The following NKAIN2 variants were observed in gnomAD, a reference collection of about 807,000 sequenced individuals.
NKAIN2 encodes sodium/potassium-transporting ATPase subunit beta-1-interacting protein 2.
NKAIN2 carries 14 observed loss-of-function variants against 32.6 expected under a neutral mutation model. The observed-to-expected ratio is 0.43, with a 90% CI of 0.28 to 0.67. The LOEUF (loss-of-function observed/expected upper bound fraction) is 0.67, where lower values mean the gene tolerates loss of function less well. Ranked by LOEUF, NKAIN2 falls within the 30% of genes least tolerant of loss-of-function variation. The pLI, the probability that NKAIN2 is intolerant of heterozygous loss-of-function variation, is 0.17. For synonymous variants in NKAIN2, 80 were observed against 87.2 expected, an observed-to-expected ratio of 0.92 and a Z score of 0.46; for missense variants, 198 against 258.3, an observed-to-expected ratio of 0.77 and a Z score of 1.60.
chr6:124,557,880 C>T (rs975135076), intron 3 of NKAIN2, among the ~76,000 whole-genome samples: 3 of 152,178 alleles, frequency 2.0e-5, no homozygotes, highest in African/African-American at 7.2e-5. Context: ...TCTAAAGTGA[C>T]TCATTCAGAT....
chr6:124,390,095 C>T (rs1016949758), intron 3 of NKAIN2, among the ~76,000 whole-genome samples: 11 of 152,132 alleles, frequency 7.2e-5, no homozygotes, highest in Admixed American at 2.0e-4. Flanking sequence ...AGTGTTCTTT[C>T]GTCTTTGCTG....
intron 1 of NKAIN2, among the ~76,000 whole-genome samples, chr6:123,861,214 C>T (rs992471299): frequency 2.6e-5 from 4 of 152,134 alleles, no homozygotes; most frequent in Non-Finnish European, 5.9e-5. Context: ...TCTAATAAAT[C>T]CTGACCAAAA....
Position 124,406,628 on chromosome 6 carries a change from T to C in NKAIN2, c.273+51281T>C, listed in dbSNP as rs1311314999. On this transcript the variant is annotated intron_variant, in intron 3 of 6. Transcript: ENST00000368417. ...TATAATGGCTGGATTATATGAATGG[T>C]TGTATGTTTAATTTTTAGCAAAACT... Among the ~76,000 whole-genome samples the C allele has an allele frequency of 2.0e-5, 3 of 152,100 alleles. No individual in the cohort carries two copies. The East Asian group carries it at 5.8e-4, about 29-fold the overall frequency.
chr6:124,414,718 G>A (rs1404478873), intron 3 of NKAIN2, among the ~76,000 whole-genome samples: 1 of 152,044 alleles, frequency 6.6e-6, no homozygotes, highest in African/African-American at 2.4e-5. Flanking sequence ...CTTCTTAACT[G>A]AGTTTTGATA....
At chr6:124,695,031 T>C (rs1432033559) in intron 4 of NKAIN2, among the ~76,000 whole-genome samples, 2 of 152,150 alleles carry the variant, frequency 1.3e-5, no homozygotes, top group African/African-American at 2.4e-5. Context: ...TTAAACCATC[T>C]CCTCTTCCTC....
chr6:124,802,389 A>G (rs962706901), intron 5 of NKAIN2, among the ~76,000 whole-genome samples: 9 of 152,314 alleles, frequency 5.9e-5, no homozygotes, highest in South Asian at 2.1e-4. Flanking sequence ...TGTCATATAT[A>G]ATTGAAAGCA....
chr6:124,294,596 T>G (rs1345079486), intron 2 of NKAIN2, among the ~76,000 whole-genome samples: 1 of 152,156 alleles, frequency 6.6e-6, no homozygotes, highest in Non-Finnish European at 1.5e-5. Context: ...TAGTATTTAT[T>G]TCCAAATAAA....
chr6:124,339,608 T>C (rs1302136754), intron 2 of NKAIN2, among the ~76,000 whole-genome samples: 1 of 152,200 alleles, frequency 6.6e-6, no homozygotes, highest in Non-Finnish European at 1.5e-5. Flanking sequence ...AATAGGCATC[T>C]ACCTCCTTCT....
intron 2 of NKAIN2, among the ~76,000 whole-genome samples, chr6:124,333,932 A>C (rs1268054733): frequency 6.6e-6 from 1 of 152,202 alleles, no homozygotes; most frequent in East Asian, 1.9e-4. Context: ...CTTAAAACTG[A>C]ATTATGCTTT....
At chr6:124,160,154 T>G (rs1208942601) in intron 1 of NKAIN2, among the ~76,000 whole-genome samples, 1 of 152,100 alleles carries the variant, frequency 6.6e-6, no homozygotes, top group East Asian at 1.9e-4. Context: ...AGAAATCTGT[T>G]CAATTGGGTG....
chr6:124,535,833 G>C (rs1779690762), intron 3 of NKAIN2, among the ~76,000 whole-genome samples: 1 of 152,250 alleles, frequency 6.6e-6, no homozygotes, highest in Admixed American at 6.5e-5. Flanking sequence ...TAAAGAGGGA[G>C]CAGGAGCAGT....
At chr6:124,605,523 G>A (rs1362967531) in intron 3 of NKAIN2, among the ~76,000 whole-genome samples, 4 of 151,980 alleles carry the variant, frequency 2.6e-5, no homozygotes, top group African/African-American at 4.8e-5. Flanking sequence ...AAAAGTCAGA[G>A]GGGAAAAGAC....
chr6:123,833,955 C>T (rs988012942), intron 1 of NKAIN2, among the ~76,000 whole-genome samples: 22 of 150,736 alleles, frequency 1.5e-4, no homozygotes, highest in Admixed American at 9.3e-4. Context: ...CTCAAACACC[C>T]GACCTCTTGA....
At chr6:124,042,893 A>G (rs1335644298) in intron 1 of NKAIN2, among the ~76,000 whole-genome samples, 1 of 152,104 alleles carries the variant, frequency 6.6e-6, no homozygotes, top group Non-Finnish European at 1.5e-5. Context: ...AATTTTTCAT[A>G]TTAGGATGAA....
chr6:123,841,581 T>G (rs1415054605), intron 1 of NKAIN2, among the ~76,000 whole-genome samples: 2 of 152,148 alleles, frequency 1.3e-5, no homozygotes, highest in Non-Finnish European at 2.9e-5. Context: ...CAACAGGAAG[T>G]CTGTACACAG....
chr6:124,672,292 T>G (rs913057951), intron 4 of NKAIN2, among the ~76,000 whole-genome samples: 2 of 152,060 alleles, frequency 1.3e-5, no homozygotes, highest in African/African-American at 2.4e-5. Context: ...ATATTGGGCA[T>G]GAAATAAATT....
chr6:124,429,577 C>T (rs1472251116), intron 3 of NKAIN2, among the ~76,000 whole-genome samples: 1 of 152,092 alleles, frequency 6.6e-6, no homozygotes, highest in Non-Finnish European at 1.5e-5. Flanking sequence ...TTTTAATTTT[C>T]TTTGTATCAT....
chr6:124,732,079 C>T (rs563199795), intron 4 of NKAIN2, among the ~76,000 whole-genome samples: 1 of 152,054 alleles, frequency 6.6e-6, no homozygotes, highest in South Asian at 2.1e-4. Context: ...GACCTTACCT[C>T]CATTTATTAA....
chr6:123,955,919 T>G (rs913120150), intron 1 of NKAIN2, among the ~76,000 whole-genome samples: 1 of 152,152 alleles, frequency 6.6e-6, no homozygotes, highest in African/African-American at 2.4e-5. Context: ...TGAGCTACCA[T>G]GCCGAGCTAC....
Sources: allele counts gnomAD v4.1 joint callset (sites outside exome capture counted in the v4.1 genomes callset), GRCh38; gene constraint gnomAD v4.1.1; transcripts MANE v1.5; gene names NCBI Gene and HGNC (gene_info 2026-07-23, HGNC 2026-07-21).